The following STOML1 variants were observed in gnomAD, a reference collection of about 807,000 sequenced individuals.
STOML1 encodes stomatin like 1.
In STOML1, 27 loss-of-function variants were observed where a neutral mutation model predicts 35.7. The observed-to-expected ratio is 0.76, with a 90% CI of 0.56 to 1.04. The LOEUF (loss-of-function observed/expected upper bound fraction) is 1.04, where lower values mean the gene tolerates loss of function less well. STOML1 is among the 50% of genes least tolerant of loss of function. The probability of loss-of-function intolerance (pLI) is 0.00; values close to 1 mark genes in which losing one functional copy is unlikely to be tolerated. For missense variants in STOML1, 451 were observed against 527.1 expected (o/e 0.86, Z 1.41); for synonymous variants, 219 against 227.9 (o/e 0.96, Z 0.35).
intron 5 of STOML1, among the ~76,000 whole-genome samples, 157 bp from the exon 6 acceptor site, chr15:73,985,028 GC>G (rs1567101935): frequency 6.6e-6 from 1 of 152,196 alleles, no homozygotes; most frequent in African/African-American, 2.4e-5. Context: ...CCAGAAAGGT[GC>G]CCCTGAGTTT....
At position 73,992,178 on chromosome 15, in the gene STOML1, C is replaced by T; in HGVS notation, c.46G>A (p.Asp16Asn). The T allele has an allele frequency of 6.2e-7, 1 of 1,608,496 alleles. No individual in the cohort carries two copies. The highest frequency in any genetic ancestry group is 8.5e-7 in the Non-Finnish European group (1 of 1,178,030). Residue 16 changes from aspartate to asparagine, a missense_variant, in exon 1 of 7, where the codon GAC (aspartate) becomes AAC (asparagine). Asp to Asn is a conservative substitution (Grantham distance 23). Transcript: ENST00000541638. ...CCGAAGCTCGACTGCTGGAAGCGGT[C>T]AAAATCACCCAGGGGCAGCGCCCGG... ...GYRALPLGDF[D>N]RFQQSSFGFL...
chr15:73,991,475 G>C (rs1480407403), intron 1 of STOML1, among the ~76,000 whole-genome samples: 6 of 152,282 alleles, frequency 3.9e-5, no homozygotes, highest in African/African-American at 1.4e-4. Flanking sequence ...TGGATAGGGA[G>C]AGCTTTCAGG....
rs1261800679 is a variant in STOML1 at position 73,980,782 on chromosome 15, C to T, written c.*3155G>A. 1.3e-5 allele frequency: 2 copies of T among 152,152 alleles called. No homozygotes were observed. The allele number at this position is 152,152 out of a possible 1,614,324, so 9.4% of individuals were successfully genotyped here. ...ATTGGCTGGGTACAGTGGCTCACAC[C>T]TGTAATCCCAGCACTTTGGGAGGCT... On this transcript the variant is annotated 3_prime_UTR_variant, in exon 7 of 7. Transcript: ENST00000541638.
rs369331084 is a variant in STOML1 at position 73,989,223 on chromosome 15, C to A, written c.275G>T (p.Arg92Leu). 6.2e-7 allele frequency: 1 copy of A among 1,607,626 alleles called. No homozygotes were observed. Among genetic ancestry groups the A allele is most frequent in the East Asian group, 2.2e-5 (1 of 44,758 alleles). ...CTGGGGGGTGCGGATCCGGCCCAGGCGGAACACAATCATCCGCTCGTAGGT... is the reference window on the plus strand; with the variant it reads ...CTGGGGGGTGCGGATCCGGCCCAGGAGGAACACAATCATCCGCTCGTAGGT... ...VPTYERMIVF[R>L]LGRIRTPQGP... Residue 92 changes from arginine (R) to leucine (L), a missense_variant, in exon 3 of 7, where the codon CGC becomes CTC. Arg to Leu is a moderately radical substitution (Grantham distance 102). Transcript: ENST00000541638.
chr15:73,990,783 C>A, intron 1 of STOML1: 15 of 1,532,464 alleles, frequency 9.8e-6, no homozygotes, highest in Non-Finnish European at 1.3e-5. Context: ...AGGGGTCAAT[C>A]CTCTCGTTTA....
intron 4 of STOML1, chr15:73,986,902 C>CAG (rs2069117596): frequency 1.3e-5 from 2 of 153,902 alleles, no homozygotes; most frequent in African/African-American, 2.4e-5. Flanking sequence ...GGAGAGGTGA[C>CAG]AGAGAGAGAG....
rs1332632942 is a variant in STOML1 at position 73,982,050 on chromosome 15, A to G, written c.*1887T>C. 1 of 152,342 alleles carries G rather than the reference A, an allele frequency of 6.6e-6. No individual in the cohort carries two copies. Among genetic ancestry groups the G allele is most frequent in the African/African-American group, 2.4e-5 (1 of 41,442 alleles). The allele number at this position is 152,342 out of a possible 1,614,324, so 9.4% of individuals were successfully genotyped here. ...CTTCCCTACCCTCCAGCCCTACCCCAGCCAAGGGGCCGTGCCAGCTTTCAT... is the reference window on the plus strand; with the variant it reads ...CTTCCCTACCCTCCAGCCCTACCCCGGCCAAGGGGCCGTGCCAGCTTTCAT... On this transcript the variant is annotated 3_prime_UTR_variant, in exon 7 of 7. Transcript: ENST00000541638.
chr15:73,981,576 A>T lies in STOML1; in HGVS notation c.*2361T>A, dbSNP rs2068961400. Reference sequence around the variant, plus strand: ...CCGCACACAACCTGTCTGGTACTTCAGGTTCTAGTTCCCCGAAGCCCAGTT... The same window carrying T: ...CCGCACACAACCTGTCTGGTACTTCTGGTTCTAGTTCCCCGAAGCCCAGTT... On this transcript the variant is annotated 3_prime_UTR_variant, in exon 7 of 7. Transcript: ENST00000541638. 1.3e-5 allele frequency: 2 copies of T among 152,154 alleles called. No individual in the cohort carries two copies. The allele number at this position is 152,154 out of a possible 1,614,324, so 9.4% of individuals were successfully genotyped here. A position where few individuals can be genotyped will look rare whatever the true frequency, so the allele number is the denominator to read the frequency against.
At chr15:73,985,813 A>C in intron 4 of STOML1, 2 of 346,274 alleles carry the variant, frequency 5.8e-6, no homozygotes, top group East Asian at 6.9e-5. Context: ...AGACAAGAAA[A>C]CCTGGCATGT....
rs2141672667 is a variant in STOML1, at chr15:73,988,216, A to C, written c.594+383T>G. ...CATGGTGAGCCTGGAATTCCCCAGC[A>C]GGTGACTGGGCTGGGAGGGTCCCTG... On this transcript the variant is annotated intron_variant, in intron 4 of 6. Coordinates refer to ENST00000541638, the MANE Select transcript of STOML1 (RefSeq NM_004809.5). The surrounding 1 kb of genome is among the most constrained non-coding windows in gnomAD (Gnocchi z 4.8). 1 of 205,444 alleles carries C rather than the reference A, an allele frequency of 4.9e-6. No homozygotes were observed. The highest frequency in any genetic ancestry group is 5.4e-5 in the Admixed American group (1 of 18,428). 12.7% of individuals were successfully genotyped at this position (205,444 alleles called of 1,614,324 possible). A position where few individuals can be genotyped will look rare whatever the true frequency, so the allele number is the denominator to read the frequency against.
chr15:73,984,522 T>C, intron 6 of STOML1, 137 bp downstream of exon 6: 2 of 1,012,020 alleles, frequency 2.0e-6, no homozygotes, highest in South Asian at 1.6e-5. Context: ...GGAAATGGTG[T>C]CTGAGCCCCT....
At chr15:73,990,672 C>T in intron 1 of STOML1, 1 of 979,308 alleles carries the variant, frequency 1.0e-6, no homozygotes, top group Non-Finnish European at 1.5e-6. Context: ...TCATTTGTCC[C>T]AAGTCCAACA....
At chr15:73,990,606 C>T (rs1276277309) in intron 1 of STOML1, 149 bp from the exon 2 acceptor site, 7 of 905,946 alleles carry the variant, frequency 7.7e-6, no homozygotes, top group East Asian at 5.3e-5. Context: ...CTAATATTCC[C>T]GTATCTTTGG....
upstream of STOML1, chr15:73,992,357 G>A: frequency 8.9e-7 from 1 of 1,121,602 alleles, no homozygotes; most frequent in East Asian, 3.4e-5. Context: ...GCGGGCGCAG[G>A]AAGAGGAGGC....
At chr15:73,992,035 G>T in intron 1 of STOML1, 56 bp downstream of exon 1, 1 of 1,508,046 alleles carries the variant, frequency 6.6e-7, no homozygotes, top group South Asian at 1.3e-5. Context: ...AGAGATTCGG[G>T]CCTGGGGGTT....
At chr15:73,991,137 AAAAAC>A (rs2069262204) in intron 1 of STOML1, 1 of 434,954 alleles carries the variant, frequency 2.3e-6, no homozygotes, top group Non-Finnish European at 3.1e-6. Context: ...ACAAACAACA[AAAAAC>A]AAAAACAAAA....
chr15:73,988,759 A>G lies in STOML1; in HGVS notation c.434T>C (p.Val145Ala). The part of the protein sequence containing the change: ...DGAVLSVGAD[V>A]QFRIWDPVLS... ...CACCGGGTCCCAGATGCGAAACTGG[A>G]CATCGGCTCCCACGGACAGCACAGC... is the stretch of plus-strand genomic sequence containing the variant. Residue 145 changes from valine to alanine, a missense_variant, in exon 4 of 7, where the codon GTC becomes GCC. Coordinates refer to ENST00000541638, the MANE Select transcript of STOML1 (RefSeq NM_004809.5). The surrounding 1 kb of genome is among the most constrained non-coding windows in gnomAD (Gnocchi z 4.8). 3 of 1,614,226 alleles carry G rather than the reference A, an allele frequency of 1.9e-6. No homozygotes were observed. Among genetic ancestry groups the G allele is most frequent in the Non-Finnish European group, 2.5e-6 (3 of 1,180,032 alleles).
chr15:73,983,045 C>T lies in STOML1; in HGVS notation c.*892G>A, dbSNP rs1415891155. 1 of 152,144 alleles carries T rather than the reference C, an allele frequency of 6.6e-6. No homozygotes were observed. Among genetic ancestry groups the T allele is most frequent in the East Asian group, 1.9e-4 (1 of 5,186 alleles). The allele number at this position is 152,144 out of a possible 1,614,324, so 9.4% of individuals were successfully genotyped here. A position where few individuals can be genotyped will look rare whatever the true frequency, so the allele number is the denominator to read the frequency against. ...AACAGAACTCCCCACCCAGCCCCACCCTTGCTTCCAGGGGCTTTGAGACAC... is the reference window on the plus strand; with the variant it reads ...AACAGAACTCCCCACCCAGCCCCACTCTTGCTTCCAGGGGCTTTGAGACAC... On this transcript the variant is annotated 3_prime_UTR_variant, in exon 7 of 7. Transcript: ENST00000541638.
rs2069161395 is a variant in STOML1 at position 73,988,492 on chromosome 15, T to TGGTA, written c.594+103_594+106dup. On this transcript the variant is annotated intron_variant, in intron 4 of 6. Transcript: ENST00000541638. This position sits in a 1 kb window ranked among gnomAD's most constrained non-coding sequence, Gnocchi z 4.8. ...AAGGTGGTTACACTATTGGGACATA[T>TGGTA]GGTAAACTGAGGCCCAGAGTGGTCT... 7.5e-7 allele frequency: 1 copy of TGGTA among 1,331,834 alleles called. No individual in the cohort carries two copies. The highest frequency in any genetic ancestry group is 1.0e-6 in the Non-Finnish European group (1 of 971,224). The allele number at this position is 1,331,834 out of a possible 1,614,324, so 82.5% of individuals were successfully genotyped here.
Sources: allele counts gnomAD v4.1 joint callset (sites outside exome capture counted in the v4.1 genomes callset), GRCh38; gene constraint gnomAD v4.1.1; non-coding constraint Gnocchi (gnomAD v3.1); transcripts MANE v1.5; gene names NCBI Gene and HGNC (gene_info 2026-07-23, HGNC 2026-07-21).